FOXJ3: variants seen among roughly 807,000 people sequenced by gnomAD.
The protein encoded by FOXJ3 is forkhead box J3.
In FOXJ3, 22 loss-of-function variants were observed where a neutral mutation model predicts 76.1. The ratio of observed to expected loss-of-function variants is 0.29; its 90% CI spans 0.21 to 0.41. FOXJ3 has a LOEUF of 0.41. FOXJ3 is among the 10% of genes least tolerant of loss of function. The probability of loss-of-function intolerance (pLI) is 1.00; values close to 1 mark genes in which losing one functional copy is unlikely to be tolerated. For missense variants in FOXJ3, 613 were observed against 762.1 expected, an observed-to-expected ratio of 0.80 and a Z score of 2.30; for synonymous variants, 269 against 261.2, an observed-to-expected ratio of 1.03 and a Z score of -0.29.
At chr1:42,291,180 T>C (rs113400350) in intron 2 of FOXJ3, among the ~76,000 whole-genome samples, 1 of 152,176 alleles carries the variant, frequency 6.6e-6, no homozygotes, top group Non-Finnish European at 1.5e-5. Context: ...CAAAAAATTA[T>C]GTTGAAACAA....
chr1:42,332,922 T>C (rs1280017744), intron 1 of FOXJ3, among the ~76,000 whole-genome samples: 1 of 152,226 alleles, frequency 6.6e-6, no homozygotes, highest in Non-Finnish European at 1.5e-5. Context: ...TGCAGTTTGA[T>C]AATTCTGAAT....
intron 2 of FOXJ3, among the ~76,000 whole-genome samples, chr1:42,302,279 C>T (rs542437710): frequency 6.6e-6 from 1 of 152,212 alleles, no homozygotes; most frequent in Non-Finnish European, 1.5e-5. Flanking sequence ...GTTGGTGGCA[C>T]TCACAGGTTA....
intron 2 of FOXJ3, among the ~76,000 whole-genome samples, chr1:42,307,160 A>G (rs1033681633): frequency 1.3e-5 from 2 of 152,218 alleles, no homozygotes; most frequent in African/African-American, 4.8e-5. Flanking sequence ...CTTCAGCCCT[A>G]TAGCAGCAGG....
At chr1:42,323,756 C>G in intron 1 of FOXJ3, 1 of 854,320 alleles carries the variant, frequency 1.2e-6, no homozygotes, top group Middle Eastern at 6.0e-4. Flanking sequence ...GCTGAATAAT[C>G]ACCTTCAAAT....
Position 42,179,625 on chromosome 1 carries a change from G to T in FOXJ3, c.*85C>A. 5.0e-6 allele frequency: 4 copies of T among 802,356 alleles called. No homozygotes were observed. Among genetic ancestry groups the T allele is most frequent in the Non-Finnish European group, 4.2e-6 (2 of 477,134 alleles). 49.7% of individuals were successfully genotyped at this position (802,356 alleles called of 1,614,324 possible). ...CATTGGTAAAGTGATTAGCAAGTTT[G>T]TTTTCTCAACTGGATTCTCTTAAAC... On this transcript the variant is annotated 3_prime_UTR_variant, in exon 13 of 13. Transcript: ENST00000361346.
intron 7 of FOXJ3, among the ~76,000 whole-genome samples, chr1:42,196,965 T>C (rs1557628561): frequency 6.6e-6 from 1 of 152,242 alleles, no homozygotes; most frequent in Non-Finnish European, 1.5e-5. Flanking sequence ...CTGGTTGTTT[T>C]ATAACTCCAC....
chr1:42,320,628 G>A (rs998367118), intron 1 of FOXJ3, among the ~76,000 whole-genome samples: 3 of 152,004 alleles, frequency 2.0e-5, no homozygotes, highest in African/African-American at 7.3e-5. Flanking sequence ...AGAGGTATAC[G>A]ATATTAGATC....
chr1:42,187,096 C>A (rs1000885831), intron 11 of FOXJ3, among the ~76,000 whole-genome samples: 1 of 151,462 alleles, frequency 6.6e-6, no homozygotes, highest in African/African-American at 2.5e-5. Context: ...GATCAGCCCG[C>A]CTCGGCCTCC....
chr1:42,315,148 A>G (rs1338255226), intron 1 of FOXJ3, among the ~76,000 whole-genome samples: 1 of 152,224 alleles, frequency 6.6e-6, no homozygotes, highest in Non-Finnish European at 1.5e-5. Context: ...ATAGAAATGA[A>G]AAGTAGATTG....
At chr1:42,304,373 G>A (rs1654334766) in intron 2 of FOXJ3, among the ~76,000 whole-genome samples, 1 of 151,774 alleles carries the variant, frequency 6.6e-6, no homozygotes, top group African/African-American at 2.4e-5. Flanking sequence ...AAATACCAAT[G>A]ACATTCTTCA....
chr1:42,311,951 T>C (rs1284783408), intron 1 of FOXJ3, among the ~76,000 whole-genome samples: 1 of 152,198 alleles, frequency 6.6e-6, no homozygotes, highest in African/African-American at 2.4e-5. Context: ...ATATTTTCAT[T>C]GGGCAGAACG....
chr1:42,316,999 C>T (rs1418015502), intron 1 of FOXJ3, among the ~76,000 whole-genome samples: 1 of 152,106 alleles, frequency 6.6e-6, no homozygotes, highest in Non-Finnish European at 1.5e-5. Flanking sequence ...CTAAGCACCA[C>T]TTGTTCCCCA....
At chr1:42,241,954 C>T (rs1287929481) in intron 4 of FOXJ3, among the ~76,000 whole-genome samples, 1 of 152,190 alleles carries the variant, frequency 6.6e-6, no homozygotes, top group African/African-American at 2.4e-5. Flanking sequence ...CTCGCCACAG[C>T]CTCCACTAAT....
chr1:42,297,684 A>G (rs1304171546), intron 2 of FOXJ3, among the ~76,000 whole-genome samples: 1 of 152,008 alleles, frequency 6.6e-6, no homozygotes, highest in Non-Finnish European at 1.5e-5. Context: ...TTTTGCACCT[A>G]TGTTCATTAG....
chr1:42,268,610 T>C (rs1003895248), intron 3 of FOXJ3, among the ~76,000 whole-genome samples: 3 of 152,178 alleles, frequency 2.0e-5, no homozygotes, highest in Non-Finnish European at 4.4e-5. Context: ...TTACGGAGTT[T>C]GGAACCATGT....
At chr1:42,294,484 C>A (rs913499981) in intron 2 of FOXJ3, among the ~76,000 whole-genome samples, 1 of 151,912 alleles carries the variant, frequency 6.6e-6, no homozygotes, top group Non-Finnish European at 1.5e-5. Flanking sequence ...TGAGGCCAGG[C>A]GCGGTGGCTC....
chr1:42,280,121 T>A (rs1388042990), intron 2 of FOXJ3, among the ~76,000 whole-genome samples: 4 of 152,170 alleles, frequency 2.6e-5, no homozygotes, highest in African/African-American at 7.2e-5. Context: ...GTCAAAATAT[T>A]ACTTTGAAAA....
chr1:42,306,302 T>C (rs1050617577), intron 2 of FOXJ3, among the ~76,000 whole-genome samples: 2 of 127,232 alleles, frequency 1.6e-5, no homozygotes, highest in South Asian at 2.5e-4. Context: ...TTTTTTCTTT[T>C]TTTTTTTTTT....
At chr1:42,219,731 G>C (rs1408271571) in intron 5 of FOXJ3, among the ~76,000 whole-genome samples, 5 of 152,256 alleles carry the variant, frequency 3.3e-5, no homozygotes, top group Admixed American at 6.5e-5. Flanking sequence ...GTCTCAGCCA[G>C]GTGTTTGACA....
Sources: gnomAD v4.1 joint callset for allele counts (sites outside exome capture counted in the v4.1 genomes callset) on GRCh38, gnomAD v4.1.1 for gene constraint, MANE v1.5 for transcripts, NCBI Gene and HGNC (gene_info 2026-07-23, HGNC 2026-07-21) for gene names.